DLG2: variants seen among roughly 807,000 people sequenced by gnomAD.
DLG2 encodes the protein discs large MAGUK scaffold protein 2.
Under a neutral mutation model 132.5 loss-of-function variants are expected in DLG2, and 45 were observed. The ratio of observed to expected loss-of-function variants is 0.34; its 90% CI spans 0.27 to 0.44. DLG2 has a LOEUF of 0.44. Ranked by LOEUF, DLG2 falls within the 20% of genes least tolerant of loss-of-function variation. DLG2 has a pLI of 1.00. For missense variants in DLG2, 1,045 were observed against 1,196.9 expected (o/e 0.87, Z 1.87); for synonymous variants, 424 against 419.6 (o/e 1.01, Z -0.13).
At chr11:85,075,567 G>A (rs531665308) in intron 6 of DLG2, among the ~76,000 whole-genome samples, 3 of 151,796 alleles carry the variant, frequency 2.0e-5, no homozygotes, top group Non-Finnish European at 4.4e-5. Context: ...AAATTACAGA[G>A]TATACCACTA....
chr11:84,066,531 G>T (rs1007680169), intron 10 of DLG2, among the ~76,000 whole-genome samples: 1 of 152,134 alleles, frequency 6.6e-6, no homozygotes, highest in African/African-American at 2.4e-5. Context: ...AGGCTGAGAC[G>T]GGTGGATCAC....
chr11:84,742,115 G>T (rs2064760021), intron 6 of DLG2, among the ~76,000 whole-genome samples: 1 of 151,596 alleles, frequency 6.6e-6, no homozygotes, highest in African/African-American at 2.4e-5. Flanking sequence ...ATAATCACAG[G>T]CAGACAAGAA....
intron 6 of DLG2, among the ~76,000 whole-genome samples, chr11:84,548,209 C>T (rs765404429): frequency 3.6e-4 from 54 of 152,106 alleles, no homozygotes; most frequent in Non-Finnish European, 2.8e-4. Flanking sequence ...TTCTCCACTG[C>T]CAGCACTGAG....
chr11:85,066,419 G>A (rs993965865), intron 6 of DLG2, among the ~76,000 whole-genome samples: 1 of 151,626 alleles, frequency 6.6e-6, no homozygotes, highest in African/African-American at 2.4e-5. Context: ...AATCAAGGGG[G>A]AGAGAATCCT....
At chr11:84,868,782 G>A (rs775902714) in intron 6 of DLG2, among the ~76,000 whole-genome samples, 1 of 152,110 alleles carries the variant, frequency 6.6e-6, no homozygotes, top group Non-Finnish European at 1.5e-5. Flanking sequence ...GACTACAAAG[G>A]TCATTTACTA....
rs1172245104 is a variant in DLG2 at position 83,459,134 on chromosome 11, C to T, written c.*684G>A. 6.6e-6 allele frequency: 1 copy of T among 152,544 alleles called. No homozygotes were observed. Among genetic ancestry groups the T allele is most frequent in the Non-Finnish European group, 1.5e-5 (1 of 68,018 alleles). The allele number at this position is 152,544 out of a possible 1,614,324, so 9.4% of individuals were successfully genotyped here. On this transcript the variant is annotated 3_prime_UTR_variant, in exon 28 of 28. Coordinates refer to ENST00000376104, the MANE Select transcript of DLG2 (RefSeq NM_001142699.3). Reference sequence around the variant, plus strand: ...GTATAAATTATTCTCATCTTTAGTGCCTTCTTTCAGTTTATAAATGGCAAA... The same window carrying T: ...GTATAAATTATTCTCATCTTTAGTGTCTTCTTTCAGTTTATAAATGGCAAA...
intron 16 of DLG2, among the ~76,000 whole-genome samples, chr11:83,869,392 G>T (rs1460809479): frequency 6.6e-6 from 1 of 152,148 alleles, no homozygotes; most frequent in Non-Finnish European, 1.5e-5. Flanking sequence ...GTTTCCAGAT[G>T]TTCCTTGGAA....
intron 15 of DLG2, among the ~76,000 whole-genome samples, chr11:83,911,652 T>C (rs1359720475): frequency 6.6e-6 from 1 of 152,100 alleles, no homozygotes; most frequent in Non-Finnish European, 1.5e-5. Flanking sequence ...AATGTTAGCC[T>C]CATAACATTT....
intron 9 of DLG2, among the ~76,000 whole-genome samples, chr11:84,132,682 G>A (rs2094463104): frequency 1.3e-5 from 2 of 151,966 alleles, no homozygotes; most frequent in Admixed American, 1.3e-4. Flanking sequence ...AATGACAGAA[G>A]CAGATATTAA....
chr11:85,180,972 T>C (rs2152511752), intron 4 of DLG2, among the ~76,000 whole-genome samples: 1 of 151,956 alleles, frequency 6.6e-6, no homozygotes, highest in South Asian at 2.1e-4. Flanking sequence ...GTTTCTGAAT[T>C]ATAATCAAAT....
chr11:84,718,934 C>T (rs1432655731), intron 6 of DLG2, among the ~76,000 whole-genome samples: 1 of 152,172 alleles, frequency 6.6e-6, no homozygotes, highest in Non-Finnish European at 1.5e-5. Context: ...ACCAACCCTA[C>T]AGTGTAACCT....
chr11:84,178,830 T>C (rs2096044652), intron 8 of DLG2, among the ~76,000 whole-genome samples: 2 of 152,030 alleles, frequency 1.3e-5, no homozygotes, highest in African/African-American at 4.8e-5. Context: ...TGTGACTAAA[T>C]GTTAGTTTTT....
intron 6 of DLG2, among the ~76,000 whole-genome samples, chr11:84,998,065 T>C (rs2057834892): frequency 6.6e-6 from 1 of 152,186 alleles, no homozygotes; most frequent in South Asian, 2.1e-4. Context: ...TTCTTTTTCT[T>C]CGCATATGGT....
intron 17 of DLG2, among the ~76,000 whole-genome samples, chr11:83,801,839 A>T (rs191855956): frequency 6.6e-6 from 1 of 152,262 alleles, no homozygotes; most frequent in East Asian, 1.9e-4. Context: ...TGCTGACTAC[A>T]CTATGTAGAT....
At chr11:84,327,045 T>C (rs1302369973) in intron 7 of DLG2, among the ~76,000 whole-genome samples, 1 of 151,988 alleles carries the variant, frequency 6.6e-6, no homozygotes, top group Non-Finnish European at 1.5e-5. Flanking sequence ...TCCTTTCACT[T>C]TCAGACTTTC....
rs1385005127 is a variant in DLG2, at chr11:85,521,361, C to T, written c.40+77296G>A. ...CACCATCTGAAGAAGGATGTGTTTGCTTCCCCTTCTGCCATGATTGTAAGT... is the reference window on the plus strand; with the variant it reads ...CACCATCTGAAGAAGGATGTGTTTGTTTCCCCTTCTGCCATGATTGTAAGT... On this transcript the variant is annotated intron_variant, in intron 3 of 27. Coordinates refer to ENST00000376104, the MANE Select transcript of DLG2 (RefSeq NM_001142699.3). 8.5e-5 allele frequency among the ~76,000 whole-genome samples: 13 copies of T among 152,300 alleles called. No homozygotes were observed. The East Asian group carries it at 1.4e-3, about 16-fold the overall frequency.
chr11:84,746,156 G>A (rs1013438126), intron 6 of DLG2, among the ~76,000 whole-genome samples: 1 of 151,694 alleles, frequency 6.6e-6, no homozygotes, highest in Non-Finnish European at 1.5e-5. Context: ...GTGGGCAAGG[G>A]GTCACTGGGA....
chr11:84,570,551 C>A (rs1029028095), intron 6 of DLG2, among the ~76,000 whole-genome samples: 1 of 152,170 alleles, frequency 6.6e-6, no homozygotes, highest in East Asian at 1.9e-4. Flanking sequence ...TAAGTACCAT[C>A]TGGTATAGAG....
intron 2 of DLG2, among the ~76,000 whole-genome samples, chr11:85,618,596 C>T (rs898151268): frequency 6.6e-6 from 1 of 152,126 alleles, no homozygotes; most frequent in Non-Finnish European, 1.5e-5. Context: ...GAACAATAGA[C>T]ACTACGCAAG....
Sources: allele counts gnomAD v4.1 joint callset (sites outside exome capture counted in the v4.1 genomes callset), GRCh38; gene constraint gnomAD v4.1.1; transcripts MANE v1.5; gene names NCBI Gene and HGNC (gene_info 2026-07-23, HGNC 2026-07-21).